Variants in PDE11A observed in about 807,000 individuals in gnomAD.
PDE11A encodes the protein dual 3',5'-cyclic-AMP and -GMP phosphodiesterase 11A.
A neutral mutation model predicts 100.5 loss-of-function variants in PDE11A; 100 were observed. The ratio of observed to expected loss-of-function variants is 1.00; its 90% CI spans 0.85 to 1.18. The LOEUF is 1.18. PDE11A is among the 50% of genes most tolerant of loss of function. PDE11A has a pLI of 0.00. For synonymous variants in PDE11A, 381 were observed against 420.8 expected, an observed-to-expected ratio of 0.91 and a Z score of 1.16; for missense variants, 1,141 against 1,152.6, an observed-to-expected ratio of 0.99 and a Z score of 0.15.
At chr2:177,913,501 C>A (rs376616064) in intron 2 of PDE11A, among the ~76,000 whole-genome samples, 3 of 152,062 alleles carry the variant, frequency 2.0e-5, no homozygotes, top group Non-Finnish European at 4.4e-5. Flanking sequence ...AATGACAGTT[C>A]CCCCTTAATT....
rs752914503 is a variant in PDE11A, at chr2:177,728,043, AT to A, written c.1917del (p.Lys639AsnfsTer14). The stretch of plus-strand genomic sequence containing the variant: ...CATCTTACCTCATAGTCAATTTTAA[AT>A]TTCTGTACCATCCCCAGCTCCATGA... ...RMFMELGMVQKFKIDYETLCR... is the reference protein window; with the variant it reads ...RMFMELGMVQXFKIDYETLCR... On this transcript the variant is annotated frameshift_variant, in exon 11 of 20. Coordinates refer to ENST00000286063, the MANE Select transcript of PDE11A (RefSeq NM_016953.4). LOFTEE classifies it high-confidence loss of function. The A allele has an allele frequency of 8.7e-6, 14 of 1,613,302 alleles. No individual in the cohort carries two copies. The highest frequency in any genetic ancestry group is 1.2e-5 in the Non-Finnish European group (14 of 1,179,512).
chr2:178,052,834 T>A (rs2086846103), intron 1 of PDE11A, among the ~76,000 whole-genome samples: 1 of 152,156 alleles, frequency 6.6e-6, no homozygotes, highest in African/African-American at 2.4e-5. Context: ...AATCCCTGAA[T>A]AGACCAATAA....
chr2:177,759,203 G>A (rs13383409), intron 10 of PDE11A, among the ~76,000 whole-genome samples: 154 of 132,194 alleles, frequency 1.2e-3, no homozygotes, highest in African/African-American at 3.6e-3. Context: ...ACACACACAC[G>A]CACACACAAA....
At chr2:177,869,661 C>T (rs1476978104) in intron 5 of PDE11A, among the ~76,000 whole-genome samples, 2 of 152,060 alleles carry the variant, frequency 1.3e-5, no homozygotes, top group African/African-American at 4.8e-5. Flanking sequence ...TGTAATGTAA[C>T]GTGAATATAT....
chr2:177,771,379 A>G (rs1198229037), intron 9 of PDE11A, among the ~76,000 whole-genome samples: 1 of 152,208 alleles, frequency 6.6e-6, no homozygotes, highest in Non-Finnish European at 1.5e-5. Flanking sequence ...GACCTATGGC[A>G]CATACCATTT....
At chr2:177,865,595 A>T (rs1046516548) in intron 5 of PDE11A, among the ~76,000 whole-genome samples, 3 of 152,194 alleles carry the variant, frequency 2.0e-5, no homozygotes, top group Non-Finnish European at 1.5e-5. Context: ...ATAGCCAAAA[A>T]AGTAGAAACA....
intron 7 of PDE11A, among the ~76,000 whole-genome samples, chr2:177,819,082 A>G (rs1389700834): frequency 6.6e-6 from 1 of 152,088 alleles, no homozygotes; most frequent in Non-Finnish European, 1.5e-5. Flanking sequence ...TTGCCACGGA[A>G]TATCAACAGG....
intron 10 of PDE11A, among the ~76,000 whole-genome samples, chr2:177,730,459 G>A (rs369100095): frequency 2.6e-5 from 4 of 151,888 alleles, no homozygotes; most frequent in South Asian, 2.1e-4. Context: ...CCTTTGGACT[G>A]GTTTGTCTTT....
intron 2 of PDE11A, among the ~76,000 whole-genome samples, chr2:177,989,120 C>A (rs1364042601): frequency 6.6e-6 from 1 of 152,204 alleles, no homozygotes; most frequent in African/African-American, 2.4e-5. Flanking sequence ...ACTCAGCATT[C>A]TGTTAAGTGG....
chr2:178,023,245 C>A (rs1016502028), intron 1 of PDE11A, among the ~76,000 whole-genome samples: 1 of 152,154 alleles, frequency 6.6e-6, no homozygotes, highest in South Asian at 2.1e-4. Context: ...TAAAAAGCAA[C>A]CTCTGAACTC....
At chr2:177,853,714 T>TTG (rs71010826) in intron 5 of PDE11A, among the ~76,000 whole-genome samples, 474 of 16,004 alleles carry the variant, frequency 0.03, 19 homozygotes, top group African/African-American at 0.059. Context: ...GTGTGTGTGT[T>TTG]TGTGTGTGTG....
intron 2 of PDE11A, among the ~76,000 whole-genome samples, chr2:177,948,340 A>C (rs78199970): frequency 0.011 from 1,724 of 152,274 alleles, 27 homozygotes; most frequent in East Asian, 0.074. Context: ...GAGATGAAGA[A>C]AACTTTAAGA....
At position 177,623,829 on chromosome 2, in the gene PDE11A, A is replaced by G. The variant is rs900180933; in HGVS notation, c.*5578T>C. On this transcript the variant is annotated 3_prime_UTR_variant, in exon 20 of 20. Coordinates refer to ENST00000286063, the MANE Select transcript of PDE11A (RefSeq NM_016953.4). ...AAACAATTTATCTTTAGCAGTGAGG[A>G]GAGAGGTACCAAACATGCAAGAACA... 5 of 152,236 alleles carry G rather than the reference A, an allele frequency of 3.3e-5. No individual in the cohort carries two copies. Among genetic ancestry groups the G allele is most frequent in the African/African-American group, 1.2e-4 (5 of 41,462 alleles). The allele number at this position is 152,236 out of a possible 1,614,324, so 9.4% of individuals were successfully genotyped here.
intron 1 of PDE11A, among the ~76,000 whole-genome samples, chr2:178,031,690 T>G (rs915399126): frequency 2.4e-4 from 37 of 152,214 alleles, no homozygotes; most frequent in African/African-American, 7.9e-4. Context: ...ATATATCATA[T>G]TATTGGGTAG....
intron 2 of PDE11A, among the ~76,000 whole-genome samples, chr2:177,908,846 T>C (rs1316979277): frequency 1.3e-5 from 2 of 152,236 alleles, no homozygotes; most frequent in African/African-American, 4.8e-5. Context: ...CTTGTTTCTG[T>C]TAAACCTAGT....
chr2:177,660,128 TTTCA>T (rs202096224), intron 19 of PDE11A, among the ~76,000 whole-genome samples: 4,640 of 95,344 alleles, frequency 0.049, 390 homozygotes, highest in East Asian at 0.077. Context: ...TCTTTCTTTC[TTTCA>T]TTCCTTCTCT....
chr2:177,891,557 T>C (rs1300270674), intron 4 of PDE11A, among the ~76,000 whole-genome samples: 1 of 152,224 alleles, frequency 6.6e-6, no homozygotes, highest in Non-Finnish European at 1.5e-5. Context: ...TTTTTGCATT[T>C]GATTTTTTAA....
At chr2:177,896,990 C>T (rs1026284352) in intron 4 of PDE11A, among the ~76,000 whole-genome samples, 3 of 152,084 alleles carry the variant, frequency 2.0e-5, no homozygotes, top group African/African-American at 7.2e-5. Flanking sequence ...TAGACATATA[C>T]AGATTTTAAA....
chr2:178,004,455 G>A (rs1258240305), intron 2 of PDE11A, among the ~76,000 whole-genome samples: 1 of 152,110 alleles, frequency 6.6e-6, no homozygotes, highest in Non-Finnish European at 1.5e-5. Flanking sequence ...TTCAAATAAT[G>A]CTAAACTAGT....
Sources: allele counts gnomAD v4.1 joint callset (sites outside exome capture counted in the v4.1 genomes callset), GRCh38; gene constraint gnomAD v4.1.1; transcripts MANE v1.5; gene names NCBI Gene and HGNC (gene_info 2026-07-23, HGNC 2026-07-21).